The following ODAD2 variants were observed in gnomAD, a reference collection of about 807,000 sequenced individuals.
ODAD2 encodes outer dynein arm docking complex subunit 2, also known as outer dynein arm-docking complex subunit 2.
Under a neutral mutation model 106.8 loss-of-function variants are expected in ODAD2, and 89 were observed. The ratio of observed to expected loss-of-function variants is 0.83; its 90% CI spans 0.70 to 0.99. The LOEUF (loss-of-function observed/expected upper bound fraction) is 0.99, where lower values mean the gene tolerates loss of function less well. Ranked by LOEUF, ODAD2 falls within the 50% of genes least tolerant of loss-of-function variation. The pLI is 0.00. For synonymous variants in ODAD2, 404 were observed against 436.2 expected, an observed-to-expected ratio of 0.93 and a Z score of 0.92; for missense variants, 1,168 against 1,238.5, an observed-to-expected ratio of 0.94 and a Z score of 0.85.
Position 27,940,493 on chromosome 10 carries a change from C to T in ODAD2, c.1986+70G>A. On this transcript the variant is annotated intron_variant, in intron 13 of 19. Coordinates refer to ENST00000305242, the MANE Select transcript of ODAD2 (RefSeq NM_018076.5). ...AATGTCCTTGAGCCATCATGATAACCTTAGAAACAACTTTTGGACTAAAGA... is the reference window on the plus strand; with the variant it reads ...AATGTCCTTGAGCCATCATGATAACTTTAGAAACAACTTTTGGACTAAAGA... 4 of 1,580,332 alleles carry T rather than the reference C, an allele frequency of 2.5e-6. No homozygotes were observed. The South Asian group carries it at 4.6e-5, about 18-fold the overall frequency.
chr10:27,895,704 T>A (rs745777302), intron 17 of ODAD2, among the ~76,000 whole-genome samples: 2 of 152,212 alleles, frequency 1.3e-5, no homozygotes, highest in Non-Finnish European at 2.9e-5. Flanking sequence ...GAACAATACC[T>A]TTTCATCATC....
intron 7 of ODAD2, among the ~76,000 whole-genome samples, chr10:27,975,442 G>GT (rs1265729849): frequency 2.0e-5 from 3 of 152,000 alleles, no homozygotes; most frequent in Non-Finnish European, 4.4e-5. Context: ...AATGAGAGAG[G>GT]TAACAATGAC....
chr10:27,813,610 A>G (rs750148083), intron 19 of ODAD2, among the ~76,000 whole-genome samples: 1 of 152,232 alleles, frequency 6.6e-6, no homozygotes, highest in Non-Finnish European at 1.5e-5. Context: ...AATGTGGATG[A>G]TGCCAAAAAA....
chr10:27,989,019 C>T (rs1269140689), intron 2 of ODAD2, among the ~76,000 whole-genome samples: 1 of 152,074 alleles, frequency 6.6e-6, no homozygotes, highest in Non-Finnish European at 1.5e-5. Flanking sequence ...GAGCCATGAG[C>T]CATGAGTCAT....
In ODAD2 at chr10:27,860,666, C is replaced by A; in HGVS notation, c.2980G>T (p.Ala994Ser). 1 of 1,614,064 alleles carries A rather than the reference C, an allele frequency of 6.2e-7. No individual in the cohort carries two copies. Among genetic ancestry groups the A allele is most frequent in the Non-Finnish European group, 8.5e-7 (1 of 1,180,014 alleles). Residue 994 changes from alanine (A) to serine (S), a missense_variant, in exon 19 of 20, where the codon GCC becomes TCC. Physicochemically the swap from Ala to Ser is moderately conservative, Grantham distance 99 (BLOSUM62 1). Around this residue, in one of 3 missense-constraint regions of ODAD2, gnomAD observed 701 missense variants for 712.3 expected, o/e 0.98. Transcript: ENST00000305242. ...TCATGCATGGTGATGCAGTTATCGG[C>A]GTCTTCTGAGAGTTGGTACAAGGCC... Reference protein sequence around the residue: ...AQALYQLSEDADNCITMHENG... With the variant: ...AQALYQLSEDSDNCITMHENG...
chr10:27,907,639 G>A (rs1843691869), intron 17 of ODAD2, 24 bp downstream of exon 17: 1 of 1,525,542 alleles, frequency 6.6e-7, no homozygotes, highest in Non-Finnish European at 9.1e-7. Context: ...TTCTAGAAGA[G>A]ACTGACTTGC....
rs190375885 is a variant in ODAD2 at position 27,911,055 on chromosome 10, G to A, written c.2496-3278C>T. On this transcript the variant is annotated intron_variant, in intron 16 of 19. Coordinates refer to ENST00000305242, the MANE Select transcript of ODAD2 (RefSeq NM_018076.5). Reference sequence around the variant, plus strand: ...GCTCTGTAACTTGTGCCTGAATGGCGTTTAGGGAATACACAGATTTTTTTC... The same window carrying A: ...GCTCTGTAACTTGTGCCTGAATGGCATTTAGGGAATACACAGATTTTTTTC... 2.0e-5 allele frequency among the ~76,000 whole-genome samples: 3 copies of A among 152,228 alleles called. No individual in the cohort carries two copies. In the East Asian group the frequency reaches 5.8e-4, roughly 29 times the overall value.
chr10:27,925,953 C>G (rs1178053909), intron 16 of ODAD2, among the ~76,000 whole-genome samples: 3 of 149,336 alleles, frequency 2.0e-5, no homozygotes, highest in South Asian at 4.2e-4. Flanking sequence ...TTGCAGTGAG[C>G]CAAGATGGTG....
At chr10:27,864,101 G>A (rs1840264122) in intron 17 of ODAD2, among the ~76,000 whole-genome samples, 5 of 151,958 alleles carry the variant, frequency 3.3e-5, no homozygotes, top group Admixed American at 3.3e-4. Flanking sequence ...AGGGAACACA[G>A]GGGCTATTTC....
At chr10:27,946,238 A>G (rs1158219350) in intron 10 of ODAD2, among the ~76,000 whole-genome samples, 1 of 149,174 alleles carries the variant, frequency 6.7e-6, no homozygotes, top group Non-Finnish European at 1.5e-5. Flanking sequence ...ATAAAAATGT[A>G]TATTTCTATA....
intron 1 of ODAD2, among the ~76,000 whole-genome samples, chr10:27,998,738 C>T (rs556769652): frequency 4.2e-4 from 64 of 152,258 alleles, no homozygotes; most frequent in Non-Finnish European, 1.5e-5. Context: ...CTCTGTTTCC[C>T]GATCCACGCG....
At chr10:27,830,538 T>G (rs1749580615) in intron 19 of ODAD2, among the ~76,000 whole-genome samples, 1 of 152,232 alleles carries the variant, frequency 6.6e-6, no homozygotes, top group African/African-American at 2.4e-5. Flanking sequence ...AATCTTTAAC[T>G]TATGAAATTT....
chr10:27,832,821 G>C (rs777550207), intron 19 of ODAD2, among the ~76,000 whole-genome samples: 3 of 152,126 alleles, frequency 2.0e-5, no homozygotes, highest in Non-Finnish European at 4.4e-5. Context: ...TCGTGGGTTA[G>C]AACTAAACAT....
intron 19 of ODAD2, among the ~76,000 whole-genome samples, chr10:27,821,212 CCGGG>C (rs1272576315): frequency 6.6e-6 from 1 of 152,138 alleles, no homozygotes; most frequent in East Asian, 1.9e-4. Flanking sequence ...TCTGTGTGCT[CCGGG>C]TATGAATATT....
chr10:27,853,360 C>A, intron 19 of ODAD2: 1 of 229,436 alleles, frequency 4.4e-6, no homozygotes, highest in Non-Finnish European at 8.4e-6. Context: ...TGGCGAGACT[C>A]TGTCTATAAA....
In ODAD2 at chr10:27,964,486, A is replaced by T. The variant is rs187443156; in HGVS notation, c.1239-2771T>A. Among the ~76,000 whole-genome samples the T allele has an allele frequency of 3.9e-5, 6 of 152,332 alleles. No individual in the cohort carries two copies. In the East Asian group the frequency reaches 7.7e-4, roughly 20 times the overall value. On this transcript the variant is annotated intron_variant, in intron 9 of 19. Transcript: ENST00000305242. ...ATTATCAGGCATATTCATTCACCAA[A>T]CGTGCATGGAGGGCCTGCTGGCTGC...
chr10:27,970,902 G>A (rs1319653076), intron 8 of ODAD2, among the ~76,000 whole-genome samples: 1 of 151,952 alleles, frequency 6.6e-6, no homozygotes, highest in Non-Finnish European at 1.5e-5. Flanking sequence ...AACTCAGGAG[G>A]CAGAAGTTGC....
chr10:27,951,881 C>A (rs1383780943), intron 10 of ODAD2, among the ~76,000 whole-genome samples: 1 of 151,822 alleles, frequency 6.6e-6, no homozygotes, highest in Non-Finnish European at 1.5e-5. Flanking sequence ...TCGAGACCAG[C>A]CTGACCAATA....
intron 19 of ODAD2, among the ~76,000 whole-genome samples, chr10:27,825,083 T>C (rs1836932832): frequency 6.6e-6 from 1 of 152,144 alleles, no homozygotes; most frequent in Non-Finnish European, 1.5e-5. Flanking sequence ...CCAACTCATC[T>C]CTCTAGTTGC....
Sources: gnomAD v4.1 joint callset for allele counts (sites outside exome capture counted in the v4.1 genomes callset) on GRCh38, gnomAD v4.1.1 for gene constraint, gnomAD v4.1.1 regional missense constraint, MANE v1.5 for transcripts, NCBI Gene and HGNC (gene_info 2026-07-23, HGNC 2026-07-21) for gene names.